The following ANK3 variants were observed in gnomAD, a reference collection of about 807,000 sequenced individuals.
The protein encoded by ANK3 is ankyrin 3, also known as ankyrin-3.
Under a neutral mutation model 370.9 loss-of-function variants are expected in ANK3, and 57 were observed. That is an observed-to-expected ratio of 0.15 (90% CI 0.12 to 0.19). ANK3 has a LOEUF of 0.19. ANK3 is among the 10% of genes least tolerant of loss of function. ANK3 has a pLI of 1.00. For synonymous variants in ANK3, 1,929 were observed against 1,946.3 expected, an observed-to-expected ratio of 0.99 and a Z score of 0.23; for missense variants, 4,439 against 5,302.1, an observed-to-expected ratio of 0.84 and a Z score of 5.06.
intron 1 of ANK3, among the ~76,000 whole-genome samples, chr10:60,345,508 A>C (rs2055248164): frequency 6.6e-6 from 1 of 152,150 alleles, no homozygotes; most frequent in Admixed American, 6.5e-5. Context: ...GATTCTCAGA[A>C]AGTTTTATGG....
chr10:60,420,621 C>T (rs2063758776), intron 2 of ANK3, among the ~76,000 whole-genome samples: 1 of 151,952 alleles, frequency 6.6e-6, no homozygotes, highest in East Asian at 1.9e-4. Flanking sequence ...CAGTATTGTG[C>T]CTTGAATTAG....
At chr10:60,387,074 C>A (rs1594890857) in intron 1 of ANK3, among the ~76,000 whole-genome samples, 1 of 151,794 alleles carries the variant, frequency 6.6e-6, no homozygotes, top group East Asian at 1.9e-4. Flanking sequence ...GCAGGAGAAT[C>A]ATTTGAAGCC....
chr10:60,221,812 C>T (rs1164091675), intron 8 of ANK3, among the ~76,000 whole-genome samples: 2 of 152,168 alleles, frequency 1.3e-5, no homozygotes, highest in East Asian at 3.9e-4. Flanking sequence ...TCTTAGCCTT[C>T]CCTTAGCTAC....
intron 1 of ANK3, among the ~76,000 whole-genome samples, chr10:60,372,548 G>A (rs1379346800): frequency 6.6e-6 from 1 of 152,158 alleles, no homozygotes. Flanking sequence ...CAAAATAAGA[G>A]AGCATGTTCT....
chr10:60,725,158 G>C (rs1036389282), intron 1 of ANK3, among the ~76,000 whole-genome samples: 5 of 152,074 alleles, frequency 3.3e-5, no homozygotes, highest in Non-Finnish European at 5.9e-5. Flanking sequence ...TAATGTTTAT[G>C]TACTTCACAC....
intron 1 of ANK3, among the ~76,000 whole-genome samples, chr10:60,677,000 T>A (rs2079134274): frequency 6.6e-6 from 1 of 152,242 alleles, no homozygotes. Flanking sequence ...ATACCACATG[T>A]ATCACATATG....
At chr10:60,224,938 C>G (rs753796619) in intron 8 of ANK3, among the ~76,000 whole-genome samples, 4 of 143,390 alleles carry the variant, frequency 2.8e-5, no homozygotes, top group Non-Finnish European at 6.1e-5. Context: ...TTTTTTGAGA[C>G]AAAGTCTTGT....
chr10:60,144,494 A>C (rs2094716531), intron 23 of ANK3, among the ~76,000 whole-genome samples: 1 of 152,206 alleles, frequency 6.6e-6, no homozygotes, highest in South Asian at 2.1e-4. Flanking sequence ...AAAATATTTA[A>C]AAAGAATACA....
At chr10:60,031,015 G>A in intron 43 of ANK3, among the ~76,000 whole-genome samples, 1 of 152,172 alleles carries the variant, frequency 6.6e-6, no homozygotes, top group East Asian at 1.9e-4. Flanking sequence ...ATATCAAAAT[G>A]TAAGAAGTTT....
At chr10:60,192,273 G>A (rs1316570327) in intron 16 of ANK3, among the ~76,000 whole-genome samples, 1 of 151,544 alleles carries the variant, frequency 6.6e-6, no homozygotes, top group Non-Finnish European at 1.5e-5. Flanking sequence ...ACATATAGTA[G>A]TATTCCATGG....
intron 12 of ANK3, among the ~76,000 whole-genome samples, chr10:60,200,528 G>C (rs191181479): frequency 2.6e-5 from 4 of 152,084 alleles, no homozygotes; most frequent in Non-Finnish European, 5.9e-5. Flanking sequence ...GCCAAGCAGG[G>C]GGGTGAGTGA....
chr10:60,728,303 G>C (rs10821833), intron 1 of ANK3, among the ~76,000 whole-genome samples: 47,619 of 152,014 alleles, frequency 0.31, 7,724 homozygotes, highest in South Asian at 0.47. Context: ...ATTACCAGCC[G>C]AAACTCACTG....
chr10:60,194,537 A>C (rs925301500), intron 16 of ANK3, among the ~76,000 whole-genome samples: 5 of 152,226 alleles, frequency 3.3e-5, no homozygotes, highest in Non-Finnish European at 7.3e-5. Context: ...ACTTAGCACA[A>C]TGTCTTCAAG....
intron 8 of ANK3, among the ~76,000 whole-genome samples, chr10:60,226,860 GCATAT>G (rs2097172548): frequency 6.7e-6 from 1 of 149,860 alleles, no homozygotes; most frequent in East Asian, 1.9e-4. Context: ...TTGTGCTATA[GCATAT>G]ATTTTATTTC....
chr10:60,614,622 C>A (rs1207254419), intron 2 of ANK3, among the ~76,000 whole-genome samples: 1 of 152,150 alleles, frequency 6.6e-6, no homozygotes, highest in East Asian at 1.9e-4. Flanking sequence ...GGAAAGGTAG[C>A]CTGCATAGCC....
At chr10:60,081,232 G>T (rs1301223426) in intron 35 of ANK3, among the ~76,000 whole-genome samples, 1 of 152,120 alleles carries the variant, frequency 6.6e-6, no homozygotes, top group Admixed American at 6.5e-5. Context: ...TTACAGGCAT[G>T]CAGCACCACG....
intron 17 of ANK3, among the ~76,000 whole-genome samples, chr10:60,184,580 G>T (rs1041085956): frequency 6.6e-6 from 1 of 152,204 alleles, no homozygotes; most frequent in African/African-American, 2.4e-5. Flanking sequence ...ACTCAGGAAA[G>T]TGGCCAGAAA....
chr10:60,249,462 T>G (rs1044745425), intron 7 of ANK3, among the ~76,000 whole-genome samples: 1 of 152,198 alleles, frequency 6.6e-6, no homozygotes, highest in Non-Finnish European at 1.5e-5. Flanking sequence ...TAATTTCTGT[T>G]TTGAATATTT....
intron 2 of ANK3, among the ~76,000 whole-genome samples, chr10:60,415,916 G>GGGCC: frequency 1.2e-5 from 1 of 81,272 alleles, no homozygotes; most frequent in African/African-American, 4.7e-5. Context: ...CTGAATTTGT[G>GGGCC]CCCCCCACCC....
Sources: allele counts gnomAD v4.1 joint callset (sites outside exome capture counted in the v4.1 genomes callset), GRCh38; gene constraint gnomAD v4.1.1; transcripts MANE v1.5; gene names NCBI Gene and HGNC (gene_info 2026-07-23, HGNC 2026-07-21).